PCED1B: variants seen among roughly 807,000 people sequenced by gnomAD.
PCED1B encodes the protein PC-esterase domain containing 1B, also known as PC-esterase domain-containing protein 1B.
For missense variants in PCED1B, 573 were observed against 573.9 expected (o/e 1.00, Z 0.02); for synonymous variants, 251 against 246.1 (o/e 1.02, Z -0.19).
At chr12:47,155,688 C>T (rs1941170983) in intron 2 of PCED1B, among the ~76,000 whole-genome samples, 1 of 152,174 alleles carries the variant, frequency 6.6e-6, no homozygotes, top group Non-Finnish European at 1.5e-5. Context: ...GTGAAGCTGC[C>T]AGGAGTGAGA....
intron 2 of PCED1B, among the ~76,000 whole-genome samples, chr12:47,175,073 C>T (rs1481827075): frequency 1.3e-5 from 2 of 152,152 alleles, no homozygotes; most frequent in Middle Eastern, 3.4e-3. Context: ...TTTAAACACC[C>T]TTATAATATC....
At chr12:47,155,778 A>C (rs578139917) in intron 2 of PCED1B, among the ~76,000 whole-genome samples, 1 of 152,352 alleles carries the variant, frequency 6.6e-6, no homozygotes, top group Non-Finnish European at 1.5e-5. Flanking sequence ...CTTTTTGAAG[A>C]AGCTGCCTGA....
chr12:47,151,946 T>C (rs1172920132), intron 2 of PCED1B, among the ~76,000 whole-genome samples: 1 of 152,138 alleles, frequency 6.6e-6, no homozygotes, highest in Non-Finnish European at 1.5e-5. Flanking sequence ...CCAGTCAAGT[T>C]GACACATAAA....
intron 2 of PCED1B, among the ~76,000 whole-genome samples, chr12:47,202,198 C>G (rs1387055315): frequency 6.6e-6 from 1 of 152,098 alleles, no homozygotes; most frequent in Non-Finnish European, 1.5e-5. Flanking sequence ...GTTATTTGCA[C>G]ATAATAGAAG....
At chr12:47,155,388 C>T (rs772495787) in intron 2 of PCED1B, among the ~76,000 whole-genome samples, 3 of 152,112 alleles carry the variant, frequency 2.0e-5, no homozygotes, top group Non-Finnish European at 2.9e-5. Context: ...GATGTGAAAA[C>T]GTGAAGTTAC....
chr12:47,159,369 G>A (rs1374106596), intron 2 of PCED1B, among the ~76,000 whole-genome samples: 1 of 152,088 alleles, frequency 6.6e-6, no homozygotes, highest in Non-Finnish European at 1.5e-5. Context: ...TACCTACAGT[G>A]TATAAGAGTT....
chr12:47,131,101 A>G (rs2408716), intron 2 of PCED1B, among the ~76,000 whole-genome samples: 38,920 of 152,148 alleles, frequency 0.26, 5,946 homozygotes, highest in East Asian at 0.45. Flanking sequence ...AGTTACTTTT[A>G]TAATTGAGAA....
At chr12:47,126,381 A>G (rs1939889319) in intron 2 of PCED1B, among the ~76,000 whole-genome samples, 1 of 152,056 alleles carries the variant, frequency 6.6e-6, no homozygotes, top group Admixed American at 6.5e-5. Context: ...CTATTATCCT[A>G]TTTATGTAAT....
In PCED1B at chr12:47,190,419, G is replaced by A. The variant is rs550069880; in HGVS notation, c.-525-25803G>A. 5.9e-5 allele frequency among the ~76,000 whole-genome samples: 9 copies of A among 152,246 alleles called. No individual in the cohort carries two copies. In the South Asian group the frequency reaches 1.0e-3, roughly 18 times the overall value. The stretch of plus-strand genomic sequence containing the variant: ...TGGCACCCATGCATTCACTTTGGTC[G>A]CCTCTTCCAGGTCTTTCTTCCTCCA... On this transcript the variant is annotated intron_variant, in intron 2 of 3. Coordinates refer to ENST00000546455, the MANE Select transcript of PCED1B (RefSeq NM_138371.3).
intron 2 of PCED1B, among the ~76,000 whole-genome samples, chr12:47,119,499 C>T (rs1264437947): frequency 6.6e-6 from 1 of 151,096 alleles, no homozygotes. Flanking sequence ...AGTTCAAGAC[C>T]AGCCTGGACA....
intron 3 of PCED1B, among the ~76,000 whole-genome samples, chr12:47,218,259 C>T (rs1379874851): frequency 6.6e-6 from 1 of 152,204 alleles, no homozygotes; most frequent in Non-Finnish European, 1.5e-5. Flanking sequence ...AAAACCATGG[C>T]CTGGGGAAAG....
At chr12:47,082,896 C>G (rs1937810484) in intron 1 of PCED1B, among the ~76,000 whole-genome samples, 1 of 151,660 alleles carries the variant, frequency 6.6e-6, no homozygotes, top group Non-Finnish European at 1.5e-5. Context: ...AGATATTCCT[C>G]TGGCCTCTTC....
intron 2 of PCED1B, among the ~76,000 whole-genome samples, chr12:47,125,114 C>T (rs1186996986): frequency 6.6e-6 from 1 of 151,934 alleles, no homozygotes; most frequent in Middle Eastern, 3.2e-3. Context: ...GGATTTCTCC[C>T]ATGTTTTCTT....
At chr12:47,213,085 C>T (rs1178798689) in intron 2 of PCED1B, among the ~76,000 whole-genome samples, 1 of 152,194 alleles carries the variant, frequency 6.6e-6, no homozygotes, top group Non-Finnish European at 1.5e-5. Flanking sequence ...ACTGATTTGG[C>T]TTTTCTCAAT....
At chr12:47,117,587 C>T (rs1939481331) in intron 2 of PCED1B, among the ~76,000 whole-genome samples, 1 of 152,078 alleles carries the variant, frequency 6.6e-6, no homozygotes. Flanking sequence ...TTTCTTAATC[C>T]AGTCTATCAT....
intron 2 of PCED1B, among the ~76,000 whole-genome samples, chr12:47,179,541 T>G (rs1414845760): frequency 6.6e-6 from 1 of 152,224 alleles, no homozygotes; most frequent in Non-Finnish European, 1.5e-5. Flanking sequence ...GTCAGCATAT[T>G]TCTAAATACT....
chr12:47,231,727 C>CT (rs2137898872), intron 3 of PCED1B, among the ~76,000 whole-genome samples: 1 of 152,302 alleles, frequency 6.6e-6, no homozygotes. Context: ...AGAAGTAACA[C>CT]TGTAGCAGAG....
chr12:47,217,452 GAA>G (rs1396749253), intron 3 of PCED1B, among the ~76,000 whole-genome samples: 4 of 63,242 alleles, frequency 6.3e-5, no homozygotes, highest in Non-Finnish European at 9.7e-5. Flanking sequence ...AAGAAAGAAA[GAA>G]AGAAAAAGAA....
chr12:47,098,636 C>T (rs1383743147), intron 1 of PCED1B, among the ~76,000 whole-genome samples: 5 of 152,182 alleles, frequency 3.3e-5, no homozygotes, highest in Non-Finnish European at 7.4e-5. Context: ...GCGCCCGCCA[C>T]CACGCCCGGC....
Sources: allele counts gnomAD v4.1 joint callset (sites outside exome capture counted in the v4.1 genomes callset), GRCh38; gene constraint gnomAD v4.1.1; transcripts MANE v1.5; gene names NCBI Gene and HGNC (gene_info 2026-07-23, HGNC 2026-07-21).